The following MYO18B variants were observed in gnomAD, a reference collection of about 807,000 sequenced individuals.
MYO18B encodes unconventional myosin-XVIIIb.
A neutral mutation model predicts 273.0 loss-of-function variants in MYO18B; 204 were observed. The observed-to-expected ratio is 0.75, with a 90% CI of 0.67 to 0.84. The LOEUF is 0.84. Among genes scored for constraint, MYO18B ranks in the 40% least tolerant of loss-of-function variants. The pLI, the probability that MYO18B is intolerant of heterozygous loss-of-function variation, is 0.00. For missense variants in MYO18B, 3,212 were observed against 3,287.6 expected, an observed-to-expected ratio of 0.98 and a Z score of 0.56; for synonymous variants, 1,330 against 1,305.7, an observed-to-expected ratio of 1.02 and a Z score of -0.40.
At chr22:25,878,083 G>C (rs1180194004) in intron 25 of MYO18B, 35 bp downstream of exon 25, 19 of 1,500,478 alleles carry the variant, frequency 1.3e-5, no homozygotes, top group Non-Finnish European at 1.6e-5. Context: ...CCTTGTGGGG[G>C]GTCTTTATGT....
the MYO18B span, among the ~76,000 whole-genome samples, chr22:26,052,878 C>G: frequency 1.3e-5 from 2 of 150,908 alleles, no homozygotes; most frequent in Admixed American, 1.3e-4. Context: ...TCTCGGCTCA[C>G]TGCAAGCTCT....
At position 25,768,917 on chromosome 22, in the gene MYO18B, A is replaced by G; in HGVS notation, c.1001A>G (p.Lys334Arg). ...RRSKWDGPQN[K>R]KDKEGVLLSK... ...AGTAAGTGGGACGGTCCCCAGAATA[A>G]GAAGGACAAAGAAGGGGTGCTCTTA... The change falls in exon 4 of 44, where the codon AAG becomes AGG. Residue 334 changes from lysine to arginine, a missense_variant. Transcript: ENST00000335473. 6.2e-7 allele frequency: 1 copy of G among 1,612,434 alleles called. No individual in the cohort carries two copies. Among genetic ancestry groups the G allele is most frequent in the East Asian group, 2.2e-5 (1 of 44,866 alleles).
chr22:25,849,548 A>G (rs2090361095), intron 20 of MYO18B, among the ~76,000 whole-genome samples: 1 of 152,190 alleles, frequency 6.6e-6, no homozygotes, highest in Admixed American at 6.5e-5. Context: ...ACTACGTACT[A>G]GACACTGTGT....
rs537466761 is a variant in MYO18B at position 25,775,671 on chromosome 22, G to A, written c.1870-1912G>A. Reference sequence around the variant, plus strand: ...TCGGCTCTAAGACTCCGCTTTCCTGGTTTTCATTCCCGCCCACTGGCCGCC... The same window carrying A: ...TCGGCTCTAAGACTCCGCTTTCCTGATTTTCATTCCCGCCCACTGGCCGCC... On this transcript the variant is annotated intron_variant, in intron 7 of 43. Transcript: ENST00000335473. Among the ~76,000 whole-genome samples, 32 of 152,106 alleles carry A rather than the reference G, an allele frequency of 2.1e-4. No individual in the cohort carries two copies. In the South Asian group the frequency reaches 6.7e-3, roughly 32 times the overall value.
the MYO18B span, among the ~76,000 whole-genome samples, chr22:26,058,973 A>C: frequency 6.6e-6 from 1 of 152,368 alleles, no homozygotes; most frequent in East Asian, 1.9e-4. Context: ...AATTTGTTGC[A>C]TATCAACACT....
At chr22:26,026,225 G>A (rs1198584641) in intron 42 of MYO18B, among the ~76,000 whole-genome samples, 1 of 152,174 alleles carries the variant, frequency 6.6e-6, no homozygotes, top group Non-Finnish European at 1.5e-5. Flanking sequence ...ACTTAGCTGG[G>A]TTTAATTATA....
chr22:25,963,116 T>G (rs2092934739), intron 39 of MYO18B, among the ~76,000 whole-genome samples: 1 of 151,800 alleles, frequency 6.6e-6, no homozygotes, highest in African/African-American at 2.4e-5. Flanking sequence ...TGTTTCTCTC[T>G]CTCTCTCCTC....
At chr22:25,895,558 C>A in intron 28 of MYO18B, 1 of 302,272 alleles carries the variant, frequency 3.3e-6, no homozygotes, top group Non-Finnish European at 6.2e-6. Context: ...TCCATTTCTA[C>A]GTGAACCTTG....
intron 31 of MYO18B, among the ~76,000 whole-genome samples, chr22:25,907,328 T>C (rs2092064617): frequency 6.6e-6 from 1 of 152,244 alleles, no homozygotes; most frequent in African/African-American, 2.4e-5. Context: ...TGCACGGCTC[T>C]ATGCCTGTTG....
intron 3 of MYO18B, among the ~76,000 whole-genome samples, chr22:25,766,501 G>A (rs1465331143): frequency 6.6e-6 from 1 of 152,194 alleles, no homozygotes; most frequent in Non-Finnish European, 1.5e-5. Context: ...CTAGCATAGT[G>A]CTCTGGAACT....
chr22:25,994,937 T>C (rs2331197), intron 40 of MYO18B, among the ~76,000 whole-genome samples: 93,899 of 152,084 alleles, frequency 0.62, 30,724 homozygotes, highest in African/African-American at 0.81. Context: ...TAGTAAACAA[T>C]CAAAGTTAAG....
At chr22:25,747,071 G>A (rs1216897738) in intron 1 of MYO18B, among the ~76,000 whole-genome samples, 2 of 152,090 alleles carry the variant, frequency 1.3e-5, no homozygotes. Context: ...GCAGTGAGCC[G>A]AGATGGCACC....
intron 27 of MYO18B, among the ~76,000 whole-genome samples, chr22:25,894,482 ATCAG>A (rs1348943981): frequency 2.0e-5 from 3 of 152,230 alleles, no homozygotes; most frequent in Non-Finnish European, 4.4e-5. Flanking sequence ...TTCCATTCTA[ATCAG>A]TCAAACAGTT....
intron 39 of MYO18B, among the ~76,000 whole-genome samples, chr22:25,958,352 T>C (rs1171933961): frequency 2.6e-5 from 4 of 152,120 alleles, no homozygotes; most frequent in African/African-American, 7.2e-5. Flanking sequence ...ATCCAGTACA[T>C]CCTGTCGTTT....
At position 25,948,407 on chromosome 22, in the gene MYO18B, TTTCCTTCCTTCCTTCCTTCCTTCCTTCC is replaced by T. The variant is rs59622689; in HGVS notation, c.5748+607_5748+634del. On this transcript the variant is annotated intron_variant, in intron 36 of 43. Coordinates refer to ENST00000335473, the MANE Select transcript of MYO18B (RefSeq NM_032608.7). ...ATCATTTTCTTTTCTTTTTCCTGTC[TTTCCTTCCTTCCTTCCTTCCTTCCTTCC>T]TTCCTTCCTTCCTTCCTTCCTTCCT... Among the ~76,000 whole-genome samples, 589 of 118,030 alleles carry T rather than the reference TTTCCTTCCTTCCTTCCTTCCTTCCTTCC, an allele frequency of 5.0e-3. 8 individuals are homozygous for T. The highest frequency in any genetic ancestry group is 0.016 in the African/African-American group (483 of 30,836). 77.4% of individuals were successfully genotyped at this position (118,030 alleles called of 152,430 possible).
intron 17 of MYO18B, among the ~76,000 whole-genome samples, 190 bp downstream of exon 17, chr22:25,835,633 T>G (rs1390360922): frequency 6.6e-6 from 1 of 152,256 alleles, no homozygotes; most frequent in Non-Finnish European, 1.5e-5. Context: ...AGCCACTATG[T>G]GCTGGGTACT....
At chr22:26,058,881 A>T in the MYO18B span, among the ~76,000 whole-genome samples, 5 of 152,156 alleles carry the variant, frequency 3.3e-5, no homozygotes, top group East Asian at 9.6e-4. Context: ...CAGCCTCAGG[A>T]ATTCCTTTAT....
chr22:25,764,118 C>G (rs1479509073), intron 3 of MYO18B, among the ~76,000 whole-genome samples: 1 of 152,340 alleles, frequency 6.6e-6, no homozygotes, highest in South Asian at 2.1e-4. Flanking sequence ...AACCTCAGTA[C>G]CTTCCTCCAG....
At position 25,997,123 on chromosome 22, in the gene MYO18B, G is replaced by A. The variant is rs575057340; in HGVS notation, c.6287+4630G>A. Among the ~76,000 whole-genome samples the A allele has an allele frequency of 1.9e-3, 292 of 151,930 alleles. 1 individual carries two copies. Among genetic ancestry groups the A allele is most frequent in the Non-Finnish European group, 1.8e-3 (119 of 67,946 alleles). The stretch of plus-strand genomic sequence containing the variant: ...GGATCACTTGAGGTCAGGAGTTCGA[G>A]CCCCGCCTGGCCAACATGGTGAAAC... On this transcript the variant is annotated intron_variant, in intron 40 of 43. Transcript: ENST00000335473.
Sources: gnomAD v4.1 joint callset for allele counts (sites outside exome capture counted in the v4.1 genomes callset) on GRCh38, gnomAD v4.1.1 for gene constraint, MANE v1.5 for transcripts, NCBI Gene and HGNC (gene_info 2026-07-23, HGNC 2026-07-21) for gene names.